Variants in RPTOR observed in about 807,000 individuals in gnomAD.
RPTOR encodes the protein regulatory associated protein of MTOR complex 1.
RPTOR carries 21 observed loss-of-function variants against 169.9 expected under a neutral mutation model. The ratio of observed to expected loss-of-function variants is 0.12; its 90% confidence interval spans 0.09 to 0.18. The LOEUF (loss-of-function observed/expected upper bound fraction) is 0.18, where lower values mean the gene tolerates loss of function less well. Ranked by LOEUF, RPTOR falls within the 10% of genes least tolerant of loss-of-function variation. The probability of loss-of-function intolerance (pLI) is 1.00; values close to 1 mark genes in which losing one functional copy is unlikely to be tolerated. For synonymous variants in RPTOR, 732 were observed against 753.2 expected, an observed-to-expected ratio of 0.97 and a Z score of 0.46; for missense variants, 1,133 against 1,855.9, an observed-to-expected ratio of 0.61 and a Z score of 7.16.
chr17:80,653,902 G>A (rs574176013), intron 3 of RPTOR, among the ~76,000 whole-genome samples: 44 of 152,340 alleles, frequency 2.9e-4, no homozygotes, highest in Admixed American at 1.2e-3. Context: ...TGTTGCTTCA[G>A]CTTCAGCTCT....
At position 80,592,945 on chromosome 17, in the gene RPTOR, G is replaced by A. The variant is rs1452651455; in HGVS notation, c.163-32746G>A. On this transcript the variant is annotated intron_variant, in intron 1 of 33. Coordinates refer to ENST00000306801, the MANE Select transcript of RPTOR (RefSeq NM_020761.3). ...TTAGTGGCTCCCAGTTGACCCAGTCGTTGCATCCATGATAGCCTCATAACT... is the reference window on the plus strand; with the variant it reads ...TTAGTGGCTCCCAGTTGACCCAGTCATTGCATCCATGATAGCCTCATAACT... Among the ~76,000 whole-genome samples, 6 of 152,318 alleles carry A rather than the reference G, an allele frequency of 3.9e-5. No individual in the cohort carries two copies. In the South Asian group the frequency reaches 8.3e-4, roughly 21 times the overall value.
chr17:80,742,206 T>C (rs535613597), intron 5 of RPTOR, among the ~76,000 whole-genome samples: 8 of 152,160 alleles, frequency 5.3e-5, no homozygotes, highest in African/African-American at 1.9e-4. Context: ...CATGTGTTTG[T>C]GCTAATGGGA....
intron 11 of RPTOR, among the ~76,000 whole-genome samples, chr17:80,849,140 T>A (rs2067765337): frequency 6.6e-6 from 1 of 152,190 alleles, no homozygotes; most frequent in South Asian, 2.1e-4. Flanking sequence ...TCGGCTCACT[T>A]CCCCGCGCTT....
Position 80,892,528 on chromosome 17 carries a change from C to T in RPTOR, c.2102-201C>T, listed in dbSNP as rs140447946. Reference sequence around the variant, plus strand: ...AATTTAATATGCACAGAGCCACAAGCGGTTGTTGTTTGTCCAGTGCTATCC... The same window carrying T: ...AATTTAATATGCACAGAGCCACAAGTGGTTGTTGTTTGTCCAGTGCTATCC... On this transcript the variant is annotated intron_variant, in intron 18 of 33. Coordinates refer to ENST00000306801, the MANE Select transcript of RPTOR (RefSeq NM_020761.3). 1.1e-4 allele frequency among the ~76,000 whole-genome samples: 17 copies of T among 152,338 alleles called. No homozygotes were observed. In the East Asian group the frequency reaches 1.7e-3, roughly 16 times the overall value.
intron 17 of RPTOR, among the ~76,000 whole-genome samples, chr17:80,888,667 A>C (rs957773375): frequency 1.3e-5 from 2 of 152,176 alleles, no homozygotes; most frequent in Non-Finnish European, 2.9e-5. Flanking sequence ...CACGGTTAGA[A>C]ACTAACCATG....
chr17:80,569,511 C>T (rs769783161), intron 1 of RPTOR, among the ~76,000 whole-genome samples: 1 of 151,594 alleles, frequency 6.6e-6, no homozygotes, highest in Non-Finnish European at 1.5e-5. Context: ...GGCAACAGAG[C>T]GAGACTCTGT....
Position 80,739,067 on chromosome 17 carries a change from C to A in RPTOR, c.654+8361C>A, listed in dbSNP as rs987855429. On this transcript the variant is annotated intron_variant, in intron 5 of 33. Coordinates refer to ENST00000306801, the MANE Select transcript of RPTOR (RefSeq NM_020761.3). Reference sequence around the variant, plus strand: ...CTGGACCACAGATGATGGCCAGCACCATGGGTTGCAGACTGGGGCACTGTG... The same window carrying A: ...CTGGACCACAGATGATGGCCAGCACAATGGGTTGCAGACTGGGGCACTGTG... Among the ~76,000 whole-genome samples, 23 of 90,730 alleles carry A rather than the reference C, an allele frequency of 2.5e-4. 1 individual carries two copies. The highest frequency in any genetic ancestry group is 2.3e-3 in the Admixed American group (23 of 9,932). The allele number at this position is 90,730 out of a possible 152,430, so 59.5% of individuals were successfully genotyped here.
At chr17:80,852,786 G>T (rs1487727853) in intron 11 of RPTOR, among the ~76,000 whole-genome samples, 1 of 151,340 alleles carries the variant, frequency 6.6e-6, no homozygotes, top group Non-Finnish European at 1.5e-5. Context: ...GCTCCCCAGG[G>T]CCCATGCTCC....
intron 23 of RPTOR, 74 bp from the exon 24 acceptor site, chr17:80,925,296 T>A (rs2068798170): frequency 2.3e-6 from 3 of 1,318,930 alleles, no homozygotes; most frequent in Non-Finnish European, 3.2e-6. Flanking sequence ...CAGCTGCAGC[T>A]CTTTTGAGCT....
At chr17:80,871,593 G>A (rs931009224) in intron 13 of RPTOR, among the ~76,000 whole-genome samples, 3 of 152,210 alleles carry the variant, frequency 2.0e-5, no homozygotes, top group African/African-American at 7.2e-5. Flanking sequence ...TCTTTGGAAG[G>A]AAGTCGCTTG....
chr17:80,651,866 G>A lies in RPTOR; in HGVS notation c.348+8056G>A, dbSNP rs183058893. 1.1e-4 allele frequency among the ~76,000 whole-genome samples: 17 copies of A among 152,350 alleles called. No homozygotes were observed. Among genetic ancestry groups the A allele is most frequent in the African/African-American group, 4.1e-4 (17 of 41,578 alleles). The stretch of plus-strand genomic sequence containing the variant: ...TAAAAATACAAAAAATTAGCCGGGC[G>A]CAGTGGCAGGTGCCTACTGTAGTCC... On this transcript the variant is annotated intron_variant, in intron 3 of 33. Transcript: ENST00000306801. This position sits in a 1 kb window ranked among gnomAD's most constrained non-coding sequence, Gnocchi z 4.1.
intron 7 of RPTOR, among the ~76,000 whole-genome samples, chr17:80,813,342 G>A (rs945824105): frequency 9.2e-5 from 14 of 152,180 alleles, no homozygotes; most frequent in Non-Finnish European, 2.9e-5. Flanking sequence ...CTGGTTTCAC[G>A]AAAAGTTATC....
intron 13 of RPTOR, among the ~76,000 whole-genome samples, chr17:80,859,524 C>T (rs1363220940): frequency 1.3e-5 from 2 of 152,128 alleles, no homozygotes; most frequent in South Asian, 2.1e-4. Flanking sequence ...CAGGGAGCCC[C>T]GGGAAGAAGC....
Position 80,603,413 on chromosome 17 carries a change from C to T in RPTOR, c.163-22278C>T, listed in dbSNP as rs540674783. On this transcript the variant is annotated intron_variant, in intron 1 of 33. Transcript: ENST00000306801. ...GAACTGGGAAAGCACGCGTGTTTGA[C>T]CCTGCGCGCTTTGCAAGAAGCTCGT... Among the ~76,000 whole-genome samples the T allele has an allele frequency of 1.2e-4, 18 of 152,280 alleles. No individual in the cohort carries two copies. In the South Asian group the frequency reaches 2.5e-3, roughly 21 times the overall value.
chr17:80,930,415 C>T (rs1598408072), intron 24 of RPTOR, among the ~76,000 whole-genome samples: 3 of 52,098 alleles, frequency 5.8e-5, no homozygotes, highest in African/African-American at 1.6e-4. Context: ...ATCCCCAGCT[C>T]ATCCTCAGCT....
At chr17:80,846,243 A>G (rs1293089678) in intron 10 of RPTOR, among the ~76,000 whole-genome samples, 3 of 152,244 alleles carry the variant, frequency 2.0e-5, no homozygotes, top group Non-Finnish European at 4.4e-5. Flanking sequence ...CCTTGGAGTC[A>G]TCCTCAGCTG....
chr17:80,828,448 C>T (rs763154457), intron 9 of RPTOR, among the ~76,000 whole-genome samples: 20 of 152,190 alleles, frequency 1.3e-4, no homozygotes, highest in Middle Eastern at 3.2e-3. Context: ...TCCTGGGATC[C>T]GAGTCGTCTT....
Position 80,553,872 on chromosome 17 carries a change from G to C in RPTOR, c.162+8081G>C, listed in dbSNP as rs182480001. ...TTCTCCTGCCTCAGCCTCCTGAGTA[G>C]TTGGGATTACATGTGCCTGCTACCA... is the stretch of plus-strand genomic sequence containing the variant. On this transcript the variant is annotated intron_variant, in intron 1 of 33. Transcript: ENST00000306801. Among the ~76,000 whole-genome samples the C allele has an allele frequency of 1.3e-3, 192 of 152,150 alleles. 1 individual carries two copies. The highest frequency in any genetic ancestry group is 6.4e-3 in the South Asian group (31 of 4,824).
intron 4 of RPTOR, among the ~76,000 whole-genome samples, chr17:80,722,047 A>G (rs892677161): frequency 6.6e-6 from 1 of 151,002 alleles, no homozygotes; most frequent in Admixed American, 6.6e-5. Flanking sequence ...CTTTTAGTTA[A>G]TTTTAAAATA....
Sources: gnomAD v4.1 joint callset for allele counts (sites outside exome capture counted in the v4.1 genomes callset) on GRCh38, gnomAD v4.1.1 for gene constraint, Gnocchi (gnomAD v3.1) non-coding constraint, MANE v1.5 for transcripts, NCBI Gene and HGNC (gene_info 2026-07-23, HGNC 2026-07-21) for gene names.